CLIP4: variants seen among roughly 807,000 people sequenced by gnomAD.
CLIP4 encodes CAP-Gly domain-containing linker protein 4.
Under a neutral mutation model 73.1 loss-of-function variants are expected in CLIP4, and 47 were observed. The ratio of observed to expected loss-of-function variants is 0.64; its 90% CI spans 0.51 to 0.82. The LOEUF (loss-of-function observed/expected upper bound fraction) is 0.82. CLIP4 is among the 40% of genes least tolerant of loss of function. The pLI is 0.00. For synonymous variants in CLIP4, 306 were observed against 295.4 expected (o/e 1.04, Z -0.37); for missense variants, 874 against 852.9 (o/e 1.02, Z -0.31).
chr2:29,131,862 C>T (rs188463416), intron 3 of CLIP4: 30 of 375,246 alleles, frequency 8.0e-5, no homozygotes, highest in East Asian at 2.5e-4. Context: ...TATCATTACA[C>T]GCATAGAAAT....
Position 29,177,049 on chromosome 2 carries a change from C to A in CLIP4, c.1796+2604C>A, listed in dbSNP as rs75494753. ...TCTTGTGTTTCCCTGACTTTTTTTT[C>A]ATGGCAATATCCTCACAGGTGATTG... On this transcript the variant is annotated intron_variant, in intron 15 of 15. Transcript: ENST00000320081. 1.3e-3 allele frequency among the ~76,000 whole-genome samples: 201 copies of A among 152,046 alleles called. 2 individuals are homozygous for A. Among genetic ancestry groups the A allele is most frequent in the African/African-American group, 4.7e-3 (194 of 41,508 alleles).
intron 1 of CLIP4, among the ~76,000 whole-genome samples, chr2:29,120,423 A>C (rs1277186447): frequency 1.3e-5 from 2 of 152,180 alleles, no homozygotes; most frequent in Non-Finnish European, 2.9e-5. Flanking sequence ...GTTAAGTAGA[A>C]CAGAGCACAC....
chr2:29,131,241 A>G lies in CLIP4; in HGVS notation c.134-17A>G. The G allele has an allele frequency of 6.4e-7, 1 of 1,570,846 alleles. No homozygotes were observed. The highest frequency in any genetic ancestry group is 8.7e-7 in the Non-Finnish European group (1 of 1,153,236). On this transcript the variant is annotated splice_polypyrimidine_tract_variant and intron_variant, in intron 2 of 15. Transcript: ENST00000320081. ...GAAACTTTTAGTAAATTTAATTTGCATCTTTTTTTATTTCAGAATTTTCTT... is the reference window on the plus strand; with the variant it reads ...GAAACTTTTAGTAAATTTAATTTGCGTCTTTTTTTATTTCAGAATTTTCTT...
At chr2:29,141,512 G>A (rs192088022) in intron 6 of CLIP4, among the ~76,000 whole-genome samples, 47 of 152,198 alleles carry the variant, frequency 3.1e-4, no homozygotes, top group African/African-American at 1.1e-3. Flanking sequence ...TCCAGTGTTG[G>A]GTGTGTGTAT....
At chr2:29,169,375 G>C (rs1319001895) in intron 14 of CLIP4, among the ~76,000 whole-genome samples, 1 of 126,784 alleles carries the variant, frequency 7.9e-6, no homozygotes, top group Non-Finnish European at 1.7e-5. Flanking sequence ...GTGTGTGTGT[G>C]TCCCACTCTC....
intron 6 of CLIP4, among the ~76,000 whole-genome samples, chr2:29,139,040 T>G (rs1665574747): frequency 6.6e-6 from 1 of 152,178 alleles, no homozygotes; most frequent in Admixed American, 6.5e-5. Context: ...AGTACTATGT[T>G]GAATAGGCGT....
intron 3 of CLIP4, chr2:29,131,633 C>T: frequency 2.8e-6 from 1 of 352,628 alleles, no homozygotes; most frequent in Non-Finnish European, 5.0e-6. Context: ...CAGGGAGGGG[C>T]ATTTTTCATA....
At chr2:29,104,235 A>G (rs1200947637) in intron 1 of CLIP4, among the ~76,000 whole-genome samples, 1 of 152,144 alleles carries the variant, frequency 6.6e-6, no homozygotes, top group Non-Finnish European at 1.5e-5. Context: ...AGTCAGGAGT[A>G]GGAAGATCCT....
In CLIP4 at chr2:29,181,947, T is replaced by C; in HGVS notation, c.*54T>C. On this transcript the variant is annotated 3_prime_UTR_variant, in exon 16 of 16. Coordinates refer to ENST00000320081, the MANE Select transcript of CLIP4 (RefSeq NM_024692.6). ...ATATATATTTGGTGTAAATAAAGAG[T>C]CCATGGTAAATGGTTTACTTTATTT... is the stretch of plus-strand genomic sequence containing the variant. The C allele has an allele frequency of 7.0e-7, 1 of 1,419,304 alleles. No homozygotes were observed. Among genetic ancestry groups the C allele is most frequent in the South Asian group, 1.4e-5 (1 of 70,620 alleles). The allele number at this position is 1,419,304 out of a possible 1,614,324, so 87.9% of individuals were successfully genotyped here.
At chr2:29,168,495 A>G (rs1189386074) in intron 14 of CLIP4, among the ~76,000 whole-genome samples, 6 of 148,478 alleles carry the variant, frequency 4.0e-5, no homozygotes, top group African/African-American at 1.5e-4. Context: ...AAATAGCAAA[A>G]CAGGTTATGG....
upstream of CLIP4, chr2:29,114,441 G>C (rs960108918): frequency 1.3e-5 from 2 of 152,244 alleles, no homozygotes; most frequent in African/African-American, 4.8e-5. Context: ...GAGAGATGCA[G>C]GGAGCTGGAT....
chr2:29,172,734 G>A (rs1006932770), intron 14 of CLIP4, among the ~76,000 whole-genome samples: 8 of 151,564 alleles, frequency 5.3e-5, no homozygotes, highest in African/African-American at 7.3e-5. Flanking sequence ...TTTCCCATGC[G>A]CTCTCATATT....
chr2:29,132,434 C>A, intron 4 of CLIP4, 189 bp downstream of exon 4: 2 of 582,950 alleles, frequency 3.4e-6, no homozygotes, highest in South Asian at 2.2e-5. Context: ...GTCTTTATAC[C>A]CTCCTGATAC....
At chr2:29,152,413 A>G (rs955686530) in intron 8 of CLIP4, among the ~76,000 whole-genome samples, 2 of 152,230 alleles carry the variant, frequency 1.3e-5, no homozygotes, top group East Asian at 1.9e-4. Context: ...AAAACTATCA[A>G]TATTACCTTT....
At chr2:29,143,524 GT>G (rs1665928299) in intron 6 of CLIP4, among the ~76,000 whole-genome samples, 184 bp from the exon 7 acceptor site, 2 of 151,578 alleles carry the variant, frequency 1.3e-5, no homozygotes, top group Admixed American at 6.6e-5. Context: ...CAGGGCTTGT[GT>G]TTTTTTCACT....
At chr2:29,151,549 A>C (rs1666569271) in intron 8 of CLIP4, among the ~76,000 whole-genome samples, 1 of 152,176 alleles carries the variant, frequency 6.6e-6, no homozygotes, top group Non-Finnish European at 1.5e-5. Context: ...TAAGAAAATC[A>C]GGATAAAGTA....
chr2:29,122,988 A>G (rs1664369599), intron 2 of CLIP4, among the ~76,000 whole-genome samples: 1 of 152,174 alleles, frequency 6.6e-6, no homozygotes, highest in South Asian at 2.1e-4. Flanking sequence ...ATAGTGGGAA[A>G]CTAACAAAAT....
intron 1 of CLIP4, among the ~76,000 whole-genome samples, chr2:29,117,853 C>G (rs1267560342): frequency 6.6e-6 from 1 of 152,190 alleles, no homozygotes; most frequent in Non-Finnish European, 1.5e-5. Flanking sequence ...GATCTGGTTT[C>G]TTTACCTTTG....
intron 14 of CLIP4, among the ~76,000 whole-genome samples, chr2:29,173,353 G>C (rs572953328): frequency 1.3e-5 from 2 of 152,290 alleles, no homozygotes; most frequent in South Asian, 4.1e-4. Context: ...ACGGTGTTTC[G>C]TTTTGTTTCT....
Sources: allele counts gnomAD v4.1 joint callset (sites outside exome capture counted in the v4.1 genomes callset), GRCh38; gene constraint gnomAD v4.1.1; transcripts MANE v1.5; gene names NCBI Gene and HGNC (gene_info 2026-07-23, HGNC 2026-07-21).